Variants in TRIM66 observed in about 807,000 individuals in gnomAD.
TRIM66 encodes the protein tripartite motif containing 66, also known as tripartite motif-containing protein 66.
A neutral mutation model predicts 148.2 loss-of-function variants in TRIM66; 99 were observed. The observed-to-expected ratio is 0.67, with a 90% confidence interval of 0.57 to 0.79. The LOEUF (loss-of-function observed/expected upper bound fraction) is 0.79, where lower values mean the gene tolerates loss of function less well. Ranked by LOEUF, TRIM66 falls within the 30% of genes least tolerant of loss-of-function variation. The probability of loss-of-function intolerance (pLI) is 0.00; values close to 1 mark genes in which losing one functional copy is unlikely to be tolerated. For missense variants in TRIM66, 1,666 were observed against 1,697.9 expected (o/e 0.98, Z 0.33); for synonymous variants, 616 against 635.9 (o/e 0.97, Z 0.47).
intron 6 of TRIM66, among the ~76,000 whole-genome samples, chr11:8,665,052 TG>T (rs2038503414): frequency 6.6e-6 from 1 of 152,024 alleles, no homozygotes; most frequent in African/African-American, 2.4e-5. Context: ...GCTAGGAACT[TG>T]TTTATTCCTC....
At chr11:8,625,355 CTGGTAGCTG>C in intron 15 of TRIM66, 127 bp from the exon 16 acceptor site, 1 of 1,150,282 alleles carries the variant, frequency 8.7e-7, no homozygotes, top group Non-Finnish European at 1.1e-6. Context: ...CTGGTAGCTG[CTGGTAGCTG>C]CCAGGAACTC....
chr11:8,640,532 G>A lies in TRIM66; in HGVS notation c.1843C>T (p.Pro615Ser). ...GGCTGCTGTGGGGGAGGGGGAAGGG[G>A]AGGTGGGGGATGGGGGAGGGGTGGT... is the stretch of plus-strand genomic sequence containing the variant. The part of the protein sequence containing the change: ...PPPPLPHPPP[P>S]LPPPPQQPHP... Residue 615 changes from proline (P) to serine (S), a missense_variant, in exon 14 of 25, where the codon CCC becomes TCC. By Grantham distance (74) the Pro-to-Ser change is moderately conservative. Around this residue, in one of 3 missense-constraint regions of TRIM66, gnomAD observed 1,431 missense variants for 1,412.4 expected, o/e 1.01. Coordinates refer to ENST00000646038, the MANE Select transcript of TRIM66 (RefSeq NM_001388022.1). 1 of 1,530,578 alleles carries A rather than the reference G, an allele frequency of 6.5e-7. No individual in the cohort carries two copies. The highest frequency in any genetic ancestry group is 8.8e-7 in the Non-Finnish European group (1 of 1,134,416). 94.8% of individuals were successfully genotyped at this position (1,530,578 alleles called of 1,614,324 possible). A position where few individuals can be genotyped will look rare whatever the true frequency, so the allele number is the denominator to read the frequency against.
chr11:8,657,781 C>T lies in TRIM66; in HGVS notation c.341-5878G>A, dbSNP rs147710148. ...CAACCCACCACTCAGAGCAGCACCA[C>T]CTTCAAGAAACATGTTGCACCCAAT... On this transcript the variant is annotated intron_variant, in intron 6 of 24. Transcript: ENST00000646038. Among the ~76,000 whole-genome samples the T allele has an allele frequency of 4.1e-4, 62 of 152,304 alleles. No individual in the cohort carries two copies. The East Asian group carries it at 0.012, about 29-fold the overall frequency.
intron 15 of TRIM66, among the ~76,000 whole-genome samples, chr11:8,632,842 T>G (rs879640927): frequency 6.6e-6 from 1 of 152,214 alleles, no homozygotes. Flanking sequence ...GCTCTTGTAC[T>G]TATTAAGGCT....
rs1287257724 is a variant in TRIM66 at position 8,616,072 on chromosome 11, T to C, written c.*1872A>G. The C allele has an allele frequency of 6.6e-6, 1 of 152,212 alleles. No homozygotes were observed. Among genetic ancestry groups the C allele is most frequent in the Non-Finnish European group, 1.5e-5 (1 of 68,058 alleles). 9.4% of individuals were successfully genotyped at this position (152,212 alleles called of 1,614,324 possible). A position where few individuals can be genotyped will look rare whatever the true frequency, so the allele number is the denominator to read the frequency against. On this transcript the variant is annotated 3_prime_UTR_variant, in exon 25 of 25. Transcript: ENST00000646038. ...GACCAGACCCCAAACCAGAAAGTCA[T>C]GTGAGTCTCAAAGGGCAGAAGCCTA...
intron 8 of TRIM66, 101 bp downstream of exon 8, chr11:8,649,639 C>T (rs967654585): frequency 2.8e-6 from 4 of 1,445,562 alleles, no homozygotes; most frequent in Non-Finnish European, 3.7e-6. Flanking sequence ...CTACCTTCTC[C>T]CCCAGCAAGA....
chr11:8,628,918 G>C (rs557437839), intron 15 of TRIM66, among the ~76,000 whole-genome samples: 3 of 152,052 alleles, frequency 2.0e-5, no homozygotes, highest in African/African-American at 7.2e-5. Flanking sequence ...TTTAAACACA[G>C]ATGAGTTAAA....
chr11:8,648,062 C>A lies in TRIM66; in HGVS notation c.750G>T (p.Leu250Phe). 18 of 1,551,704 alleles carry A rather than the reference C, an allele frequency of 1.2e-5. No homozygotes were observed. Among genetic ancestry groups the A allele is most frequent in the Middle Eastern group, 1.7e-4 (1 of 5,992 alleles). ...EHRCRHVEEV[L>F]QNQRMLLEGV... ...CTTCCAGAAGCATCCTCTGGTTTTG[C>A]AAAACTTCTTCAACATGTCTGCACC... Residue 250 changes from leucine to phenylalanine, a missense_variant, in exon 10 of 25, where the codon TTG becomes TTT. By Grantham distance (22) the Leu-to-Phe change is conservative. Around this residue, in one of 3 missense-constraint regions of TRIM66, gnomAD observed 1,431 missense variants for 1,412.4 expected, o/e 1.01. Coordinates refer to ENST00000646038, the MANE Select transcript of TRIM66 (RefSeq NM_001388022.1).
At chr11:8,619,931 T>A in intron 22 of TRIM66, 119 bp downstream of exon 22, 1 of 1,007,574 alleles carries the variant, frequency 9.9e-7, no homozygotes, top group Admixed American at 2.3e-5. Flanking sequence ...AGGCACAAAA[T>A]TCAATAACTC....
At chr11:8,676,195 TACC>T (rs2039168916) in intron 3 of TRIM66, among the ~76,000 whole-genome samples, 1 of 152,064 alleles carries the variant, frequency 6.6e-6, no homozygotes, top group African/African-American at 2.4e-5. Flanking sequence ...TAAAAATTGT[TACC>T]ACTTCATCAT....
At chr11:8,636,566 G>A (rs745339773) in intron 15 of TRIM66, among the ~76,000 whole-genome samples, 10 of 152,012 alleles carry the variant, frequency 6.6e-5, no homozygotes, top group Non-Finnish European at 1.2e-4. Flanking sequence ...ATGGGAGCAT[G>A]GGAAAACACC....
chr11:8,619,533 G>A lies in TRIM66; in HGVS notation c.3750C>T (p.Ala1250=). 6.5e-7 allele frequency: 1 copy of A among 1,537,644 alleles called. No individual in the cohort carries two copies. ...LPFHEPVSPL[A]RHYYQIIKRP... ...TCTTGATAATCTGGTAATAATGCCGGGCCTTGGGGGAGGAGACATGAGGAG... is the reference window on the plus strand; with the variant it reads ...TCTTGATAATCTGGTAATAATGCCGAGCCTTGGGGGAGGAGACATGAGGAG... Residue 1250 remains alanine, a splice_region_variant and synonymous_variant, in exon 23 of 25, where the codon GCC becomes GCT. Transcript: ENST00000646038.
rs1419401640 is a variant in TRIM66 at position 8,650,503 on chromosome 11, G to GGGA, written c.445-619_445-617dup. Among the ~76,000 whole-genome samples, 25 of 151,198 alleles carry GGGA rather than the reference G, an allele frequency of 1.7e-4. No homozygotes were observed. The Middle Eastern group carries it at 0.014, about 83-fold the overall frequency. On this transcript the variant is annotated intron_variant, in intron 7 of 24. Coordinates refer to ENST00000646038, the MANE Select transcript of TRIM66 (RefSeq NM_001388022.1). ...AGGAAGGGAAGGAGGGAGGGAGGGA[G>GGGA]GGAGGAGGAGGAGGAGCAGCAGCAG...
chr11:8,640,322 G>C lies in TRIM66; in HGVS notation c.2053C>G (p.Pro685Ala). Residue 685 changes from proline (P) to alanine (A), a missense_variant, in exon 14 of 25, where the codon CCT becomes GCT. This residue lies in a region of TRIM66 where 1,431 missense variants were observed against 1,412.4 expected (regional missense o/e 1.01). Transcript: ENST00000646038. ...ACAATGGTTTGCTGAAGATGCTGAG[G>C]AGATTTGGTCTGACTCAGTTGCAGG... is the stretch of plus-strand genomic sequence containing the variant. ...PSLQLSQTKS[P>A]QHLQQTIVGQ... 2 of 1,551,744 alleles carry C rather than the reference G, an allele frequency of 1.3e-6. No individual in the cohort carries two copies. The highest frequency in any genetic ancestry group is 3.3e-4 in the Middle Eastern group (2 of 5,992).
In TRIM66 at chr11:8,625,142, T is replaced by A; in HGVS notation, c.2397A>T (p.Pro799=). The change falls in exon 16 of 25, where the codon CCA becomes CCT. Residue 799 remains proline (P), a synonymous_variant. Transcript: ENST00000646038. ...TCAGGTTGCTCACACTCTGGATCTGTGGCTCTAGGGGCCTCTCCAACCTGG... is the reference window on the plus strand; with the variant it reads ...TCAGGTTGCTCACACTCTGGATCTGAGGCTCTAGGGGCCTCTCCAACCTGG... ...SSTRLERPLE[P]QIQSVSNLTA... is the part of the protein sequence containing the mutation. 6.4e-7 allele frequency: 1 copy of A among 1,550,546 alleles called. No homozygotes were observed. The highest frequency in any genetic ancestry group is 8.7e-7 in the Non-Finnish European group (1 of 1,146,198).
At position 8,643,077 on chromosome 11, in the gene TRIM66, G is replaced by A. The variant is rs756985633; in HGVS notation, c.1154C>T (p.Pro385Leu). 6.4e-7 allele frequency: 1 copy of A among 1,551,356 alleles called. No homozygotes were observed. The highest frequency in any genetic ancestry group is 8.7e-7 in the Non-Finnish European group (1 of 1,146,870). ...RLLETSCNTDPGSPWSIRFTW... is the reference protein window; with the variant it reads ...RLLETSCNTDLGSPWSIRFTW... The stretch of plus-strand genomic sequence containing the variant: ...GAATCTGATACTCCAAGGGGAGCCA[G>A]GATCTGTGTTACAACTTGTCTCCAG... Residue 385 changes from proline (P) to leucine (L), a missense_variant, in exon 13 of 25, where the codon CCT becomes CTT. Physicochemically the swap from Pro to Leu is moderately conservative, Grantham distance 98 (BLOSUM62 -3). This residue lies in a region of TRIM66 where 1,431 missense variants were observed against 1,412.4 expected (regional missense o/e 1.01). Transcript: ENST00000646038.
chr11:8,682,552 C>G, intron 1 of TRIM66, 49 bp downstream of exon 1: 1 of 577,084 alleles, frequency 1.7e-6, no homozygotes, highest in East Asian at 3.0e-5. Context: ...CACCTAGCCC[C>G]GATTCTTCAA....
At chr11:8,624,680 AG>A (rs1464367360) in intron 16 of TRIM66, 32 bp downstream of exon 16, 13 of 1,480,596 alleles carry the variant, frequency 8.8e-6, no homozygotes, top group Non-Finnish European at 1.2e-5. Flanking sequence ...TGATGAACAA[AG>A]GAAGTTTGGA....
At chr11:8,631,916 A>C (rs1239950894) in intron 15 of TRIM66, among the ~76,000 whole-genome samples, 1 of 152,198 alleles carries the variant, frequency 6.6e-6, no homozygotes, top group South Asian at 2.1e-4. Context: ...TAGTGGTTAA[A>C]GTAATCAGAA....
Sources: gnomAD v4.1 joint callset for allele counts (sites outside exome capture counted in the v4.1 genomes callset) on GRCh38, gnomAD v4.1.1 for gene constraint, gnomAD v4.1.1 regional missense constraint, MANE v1.5 for transcripts, NCBI Gene and HGNC (gene_info 2026-07-23, HGNC 2026-07-21) for gene names.